The following TTLL5 variants were observed in gnomAD, a reference collection of about 807,000 sequenced individuals.
The protein encoded by TTLL5 is tubulin tyrosine ligase like 5.
Under a neutral mutation model 168.4 loss-of-function variants are expected in TTLL5, and 132 were observed. That is an observed-to-expected ratio of 0.78 (90% confidence interval 0.68 to 0.91). The LOEUF is 0.91. TTLL5 is among the 40% of genes least tolerant of loss of function. The probability of loss-of-function intolerance (pLI) is 0.00; values close to 1 mark genes in which losing one functional copy is unlikely to be tolerated. For synonymous variants in TTLL5, 546 were observed against 558.6 expected (o/e 0.98, Z 0.32); for missense variants, 1,545 against 1,581.5 (o/e 0.98, Z 0.39).
intron 31 of TTLL5, among the ~76,000 whole-genome samples, chr14:75,935,747 A>G (rs1172321154): frequency 6.6e-6 from 1 of 152,244 alleles, no homozygotes; most frequent in Non-Finnish European, 1.5e-5. Context: ...GGGAGGAGGA[A>G]TATATGTTTG....
intron 5 of TTLL5, among the ~76,000 whole-genome samples, chr14:75,687,984 G>A (rs1029176947): frequency 6.6e-6 from 1 of 152,230 alleles, no homozygotes; most frequent in Non-Finnish European, 1.5e-5. Context: ...TGGCGGGAAT[G>A]CAGAGTGGTA....
chr14:75,754,963 G>C (rs185053163), intron 18 of TTLL5, among the ~76,000 whole-genome samples: 10 of 151,876 alleles, frequency 6.6e-5, no homozygotes, highest in Admixed American at 6.6e-4. Flanking sequence ...TAAAAACTTT[G>C]ATTAAAAAAA....
intron 2 of TTLL5, among the ~76,000 whole-genome samples, chr14:75,668,239 G>A (rs1476081226): frequency 6.6e-6 from 1 of 152,148 alleles, no homozygotes; most frequent in Non-Finnish European, 1.5e-5. Flanking sequence ...TTGAATTCAA[G>A]GTATCCAATA....
rs538347657 is a variant in TTLL5 at position 75,888,251 on chromosome 14, G to A, written c.3740+5349G>A. 1.1e-4 allele frequency among the ~76,000 whole-genome samples: 17 copies of A among 152,294 alleles called. No homozygotes were observed. In the East Asian group the frequency reaches 2.3e-3, roughly 21 times the overall value. Reference sequence around the variant, plus strand: ...ACAACCACACCTAATCAAAAGTTGCGTGATGGTGTGTGTCTCATTGGGGAG... The same window carrying A: ...ACAACCACACCTAATCAAAAGTTGCATGATGGTGTGTGTCTCATTGGGGAG... On this transcript the variant is annotated intron_variant, in intron 30 of 31. Coordinates refer to ENST00000298832, the MANE Select transcript of TTLL5 (RefSeq NM_015072.5).
intron 2 of TTLL5, among the ~76,000 whole-genome samples, chr14:75,663,685 G>T (rs1245869992): frequency 6.6e-6 from 1 of 152,208 alleles, no homozygotes; most frequent in Non-Finnish European, 1.5e-5. Flanking sequence ...CTCTGAGGCA[G>T]GATATTAGAG....
rs769295482 is a variant in TTLL5 at position 75,869,965 on chromosome 14, G to A, written c.3522+6103G>A. ...CTCCTGAGTAGCTGGGACTACAGGC[G>A]CACACCACCACGCCAGGCTAATTTT... On this transcript the variant is annotated intron_variant, in intron 29 of 31. Transcript: ENST00000298832. 3.3e-5 allele frequency among the ~76,000 whole-genome samples: 5 copies of A among 151,700 alleles called. No homozygotes were observed. In the South Asian group the frequency reaches 8.3e-4, roughly 25 times the overall value.
chr14:75,699,420 C>T (rs903442436), intron 7 of TTLL5, 150 bp downstream of exon 7: 2 of 736,828 alleles, frequency 2.7e-6, no homozygotes, highest in Non-Finnish European at 4.5e-6. Flanking sequence ...GTAGGTATAA[C>T]TTGACTTGTT....
intron 30 of TTLL5, among the ~76,000 whole-genome samples, chr14:75,890,333 G>C (rs1323103894): frequency 6.6e-6 from 1 of 152,184 alleles, no homozygotes; most frequent in Non-Finnish European, 1.5e-5. Flanking sequence ...AAAGCAAGCA[G>C]TAAAATTAGT....
chr14:75,773,405 T>C (rs922231186), intron 21 of TTLL5, among the ~76,000 whole-genome samples: 2 of 152,160 alleles, frequency 1.3e-5, no homozygotes, highest in African/African-American at 2.4e-5. Context: ...GTTTCACTTA[T>C]GCTGGAGTAA....
At position 75,687,977 on chromosome 14, in the gene TTLL5, C is replaced by T. The variant is rs10132059; in HGVS notation, c.372-2215C>T. On this transcript the variant is annotated intron_variant, in intron 5 of 31. Transcript: ENST00000298832. ...ATGGCAACTGGAACACTTTTGCTGG[C>T]GGGAATGCAGAGTGGTATAGCCACT... Among the ~76,000 whole-genome samples the T allele has an allele frequency of 9.0e-3, 1,369 of 152,254 alleles. 22 individuals are homozygous for T. The highest frequency in any genetic ancestry group is 0.032 in the African/African-American group (1,315 of 41,540).
intron 2 of TTLL5, among the ~76,000 whole-genome samples, chr14:75,665,073 AGTT>A (rs1883161376): frequency 6.6e-6 from 1 of 152,240 alleles, no homozygotes; most frequent in African/African-American, 2.4e-5. Flanking sequence ...CTTAGATCAG[AGTT>A]GTTAACTTTT....
intron 28 of TTLL5, among the ~76,000 whole-genome samples, chr14:75,855,368 A>T (rs1897081012): frequency 6.6e-6 from 1 of 152,222 alleles, no homozygotes; most frequent in Non-Finnish European, 1.5e-5. Flanking sequence ...ACAAAAGCTG[A>T]TTGATACTGG....
rs201558546 is a variant in TTLL5, at chr14:75,882,651, T to C, written c.3523-34T>C. ...CAGTAAATGGGTTGTGAAGGTGATGTCCATCGATCATTTTTTTCCTTTTTT... is the reference window on the plus strand; with the variant it reads ...CAGTAAATGGGTTGTGAAGGTGATGCCCATCGATCATTTTTTTCCTTTTTT... On this transcript the variant is annotated intron_variant, in intron 29 of 31. Coordinates refer to ENST00000298832, the MANE Select transcript of TTLL5 (RefSeq NM_015072.5). 1.1e-3 allele frequency: 1,672 copies of C among 1,576,582 alleles called. 3 individuals are homozygous for C. Among genetic ancestry groups the C allele is most frequent in the Non-Finnish European group, 1.4e-3 (1,602 of 1,154,064 alleles).
chr14:75,688,554 CTATT>C (rs1272014073), intron 5 of TTLL5, among the ~76,000 whole-genome samples: 1 of 152,124 alleles, frequency 6.6e-6, no homozygotes, highest in Non-Finnish European at 1.5e-5. Flanking sequence ...GTAGGGATGC[CTATT>C]TATAGCCAGG....
At chr14:75,901,898 T>C (rs1402548841) in intron 30 of TTLL5, among the ~76,000 whole-genome samples, 1 of 152,242 alleles carries the variant, frequency 6.6e-6, no homozygotes, top group African/African-American at 2.4e-5. Flanking sequence ...CCATGCTTTC[T>C]TGATACTACA....
intron 31 of TTLL5, among the ~76,000 whole-genome samples, chr14:75,953,285 T>C (rs1218254670): frequency 6.6e-6 from 1 of 152,210 alleles, no homozygotes; most frequent in Admixed American, 6.5e-5. Flanking sequence ...AGGATGCTCA[T>C]ACATTTCCAG....
At position 75,822,522 on chromosome 14, in the gene TTLL5, A is replaced by G. The variant is rs180718271; in HGVS notation, c.3326+2361A>G. 1.0e-3 allele frequency among the ~76,000 whole-genome samples: 152 copies of G among 152,282 alleles called. 1 individual carries two copies. Among genetic ancestry groups the G allele is most frequent in the South Asian group, 8.7e-3 (42 of 4,832 alleles). The stretch of plus-strand genomic sequence containing the variant: ...CACTAAACTAGGGGCTGCCTTGTAA[A>G]CTGTAATAAAATGTAAAGAGAATCC... On this transcript the variant is annotated intron_variant, in intron 28 of 31. Coordinates refer to ENST00000298832, the MANE Select transcript of TTLL5 (RefSeq NM_015072.5).
intron 21 of TTLL5, among the ~76,000 whole-genome samples, chr14:75,772,635 G>A (rs1891411313): frequency 6.6e-6 from 1 of 151,356 alleles, no homozygotes; most frequent in Admixed American, 6.6e-5. Flanking sequence ...GGTAAGGTCA[G>A]AGTTTATGGA....
rs371445045 is a variant in TTLL5 at position 75,954,603 on chromosome 14, A to G, written c.*157A>G. 3.9e-5 allele frequency: 28 copies of G among 718,914 alleles called. No individual in the cohort carries two copies. The East Asian group carries it at 6.0e-4, about 15-fold the overall frequency. 44.5% of individuals were successfully genotyped at this position (718,914 alleles called of 1,614,324 possible). A position where few individuals can be genotyped will look rare whatever the true frequency, so the allele number is the denominator to read the frequency against. On this transcript the variant is annotated 3_prime_UTR_variant, in exon 32 of 32. Transcript: ENST00000298832. ...GCAGAAGTGGCAGTAGATGGTTGCC[A>G]ATCAGCCAATGCAGACTTTCACTGG... is the stretch of plus-strand genomic sequence containing the variant.
Sources: gnomAD v4.1 joint callset for allele counts (sites outside exome capture counted in the v4.1 genomes callset) on GRCh38, gnomAD v4.1.1 for gene constraint, MANE v1.5 for transcripts, NCBI Gene and HGNC (gene_info 2026-07-23, HGNC 2026-07-21) for gene names.